CPQ: variants seen among roughly 807,000 people sequenced by gnomAD.
The protein encoded by CPQ is Ser-Met dipeptidase.
CPQ carries 37 observed loss-of-function variants against 45.7 expected under a neutral mutation model. The observed-to-expected ratio is 0.81, with a 90% confidence interval of 0.62 to 1.07. The LOEUF (loss-of-function observed/expected upper bound fraction) is 1.07, where lower values mean the gene tolerates loss of function less well. Among genes scored for constraint, CPQ ranks in the 50% least tolerant of loss-of-function variants. The pLI is 0.00. For synonymous variants in CPQ, 186 were observed against 205.8 expected, an observed-to-expected ratio of 0.90 and a Z score of 0.82; for missense variants, 537 against 572.9, an observed-to-expected ratio of 0.94 and a Z score of 0.64.
At chr8:97,038,324 G>C (rs1810037464) in intron 6 of CPQ, among the ~76,000 whole-genome samples, 1 of 152,140 alleles carries the variant, frequency 6.6e-6, no homozygotes, top group Non-Finnish European at 1.5e-5. Context: ...CTTGTATCTA[G>C]TCTGTTTTAC....
intron 5 of CPQ, among the ~76,000 whole-genome samples, chr8:97,010,724 C>T (rs187734097): frequency 3.9e-5 from 6 of 152,256 alleles, no homozygotes; most frequent in Non-Finnish European, 7.4e-5. Context: ...TTTTGACTCT[C>T]CCTCTGGTAT....
At chr8:97,025,813 A>G (rs755572371) in intron 5 of CPQ, among the ~76,000 whole-genome samples, 5 of 152,248 alleles carry the variant, frequency 3.3e-5, no homozygotes, top group African/African-American at 4.8e-5. Flanking sequence ...AAGATACACA[A>G]TAAGTTCTAT....
intron 5 of CPQ, among the ~76,000 whole-genome samples, chr8:97,005,750 T>C (rs1308999499): frequency 6.6e-6 from 1 of 152,146 alleles, no homozygotes; most frequent in African/African-American, 2.4e-5. Flanking sequence ...ACCTCATTTC[T>C]TCATTGAAAA....
At chr8:96,679,366 G>A (rs1455712637) in intron 1 of CPQ, among the ~76,000 whole-genome samples, 1 of 151,998 alleles carries the variant, frequency 6.6e-6, no homozygotes, top group Non-Finnish European at 1.5e-5. Context: ...AGGGATATTG[G>A]CTTTTAGTTT....
At position 97,047,808 on chromosome 8, in the gene CPQ, A is replaced by G. The variant is rs141359479; in HGVS notation, c.1054-18201A>G. 6.0e-3 allele frequency among the ~76,000 whole-genome samples: 907 copies of G among 152,304 alleles called. 7 individuals are homozygous for G. The highest frequency in any genetic ancestry group is 0.021 in the African/African-American group (873 of 41,564). ...TCTAATAATAATAAATGTTAAAATC[A>G]TTTCACTATTCAAAAGACTGCGTTC... On this transcript the variant is annotated intron_variant, in intron 6 of 7. Transcript: ENST00000220763.
chr8:96,763,826 C>T (rs1810435081), intron 1 of CPQ, among the ~76,000 whole-genome samples: 1 of 151,906 alleles, frequency 6.6e-6, no homozygotes, highest in Non-Finnish European at 1.5e-5. Context: ...TAAAATAAAA[C>T]CACAATGAGA....
At chr8:96,727,369 G>A (rs1809856979) in intron 1 of CPQ, among the ~76,000 whole-genome samples, 1 of 152,160 alleles carries the variant, frequency 6.6e-6, no homozygotes, top group East Asian at 1.9e-4. Context: ...AAACAGGTGT[G>A]TTCAATCATC....
chr8:96,959,707 A>G (rs1421136168), intron 4 of CPQ, among the ~76,000 whole-genome samples: 2 of 151,624 alleles, frequency 1.3e-5, no homozygotes, highest in African/African-American at 2.4e-5. Flanking sequence ...TTTTTGGTAC[A>G]TCATATTTTT....
intron 7 of CPQ, among the ~76,000 whole-genome samples, chr8:97,127,949 AC>A: frequency 6.6e-6 from 1 of 152,222 alleles, no homozygotes; most frequent in Non-Finnish European, 1.5e-5. Flanking sequence ...GAAGGAATGG[AC>A]TGAAAAGGAC....
At chr8:96,784,145 C>T (rs970763408) in intron 1 of CPQ, among the ~76,000 whole-genome samples, 2 of 151,678 alleles carry the variant, frequency 1.3e-5, no homozygotes, top group African/African-American at 4.8e-5. Context: ...AGGTCTGACA[C>T]ACAGCATGCA....
intron 5 of CPQ, among the ~76,000 whole-genome samples, chr8:96,990,437 C>T (rs1476869643): frequency 1.3e-5 from 2 of 152,172 alleles, no homozygotes; most frequent in Non-Finnish European, 2.9e-5. Flanking sequence ...AGTGGACTCC[C>T]AGCTTGTTGA....
At chr8:96,811,617 CAAAA>C (rs1249361868) in intron 2 of CPQ, among the ~76,000 whole-genome samples, 4 of 151,814 alleles carry the variant, frequency 2.6e-5, no homozygotes, top group Non-Finnish European at 5.9e-5. Context: ...AACTAGAAAA[CAAAA>C]AAACTCTATG....
At chr8:96,683,517 A>G (rs1009576701) in intron 1 of CPQ, among the ~76,000 whole-genome samples, 7 of 151,952 alleles carry the variant, frequency 4.6e-5, no homozygotes, top group African/African-American at 1.7e-4. Flanking sequence ...TTTTTGGATT[A>G]TGTCTATTTG....
intron 7 of CPQ, among the ~76,000 whole-genome samples, chr8:97,134,682 C>G (rs141725670): frequency 6.6e-6 from 1 of 152,026 alleles, no homozygotes; most frequent in Non-Finnish European, 1.5e-5. Context: ...CATTTTTTCC[C>G]GAGATAGGGC....
At chr8:96,866,790 G>T (rs760298534) in intron 3 of CPQ, among the ~76,000 whole-genome samples, 1 of 152,086 alleles carries the variant, frequency 6.6e-6, no homozygotes, top group Non-Finnish European at 1.5e-5. Flanking sequence ...ACTACTTGAG[G>T]TTTTATGTCT....
At chr8:96,928,448 G>A (rs1227013956) in intron 4 of CPQ, among the ~76,000 whole-genome samples, 1 of 151,258 alleles carries the variant, frequency 6.6e-6, no homozygotes, top group East Asian at 1.9e-4. Flanking sequence ...ATGAGAGAGA[G>A]ACAGACAGGG....
In CPQ at chr8:97,046,775, A is replaced by C. The variant is rs1014850752; in HGVS notation, c.1053+17281A>C. Reference sequence around the variant, plus strand: ...ACCTGCCCTCACTGCCATAGCTGGCAGTGTTTTTTCCCCTCCAAAGCTCTG... The same window carrying C: ...ACCTGCCCTCACTGCCATAGCTGGCCGTGTTTTTTCCCCTCCAAAGCTCTG... On this transcript the variant is annotated intron_variant, in intron 6 of 7. Transcript: ENST00000220763. Among the ~76,000 whole-genome samples the C allele has an allele frequency of 2.0e-5, 3 of 152,332 alleles. No homozygotes were observed. In the South Asian group the frequency reaches 6.2e-4, roughly 32 times the overall value.
chr8:96,668,101 A>C (rs929886023), intron 1 of CPQ, among the ~76,000 whole-genome samples: 2 of 152,230 alleles, frequency 1.3e-5, no homozygotes, highest in Admixed American at 6.5e-5. Flanking sequence ...CCTTTTCCTC[A>C]TGGGGAGAAA....
Position 96,765,432 on chromosome 8 carries a change from T to TCTTAGA in CPQ, c.-34-19432_-34-19431insCTTAGA, listed in dbSNP as rs1439989490. On this transcript the variant is annotated intron_variant, in intron 1 of 7. Transcript: ENST00000220763. ...TGTGACAGTGAATGTGAATAATTGGTGTCTGTGGGACTCTAAGGGTAGAAA... is the reference window on the plus strand; with the variant it reads ...TGTGACAGTGAATGTGAATAATTGGTCTTAGAGTCTGTGGGACTCTAAGGGTAGAAA... 1.1e-3 allele frequency among the ~76,000 whole-genome samples: 171 copies of TCTTAGA among 152,288 alleles called. 2 individuals carry two copies. The highest frequency in any genetic ancestry group is 0.011 in the Admixed American group (170 of 15,292).
Sources: gnomAD v4.1 joint callset for allele counts (sites outside exome capture counted in the v4.1 genomes callset) on GRCh38, gnomAD v4.1.1 for gene constraint, MANE v1.5 for transcripts, NCBI Gene and HGNC (gene_info 2026-07-23, HGNC 2026-07-21) for gene names.